The following METTL21A variants were observed in gnomAD, a reference collection of about 807,000 sequenced individuals.
The protein encoded by METTL21A is protein N-lysine methyltransferase METTL21A.
Under a neutral mutation model 20.9 loss-of-function variants are expected in METTL21A, and 22 were observed. The observed-to-expected ratio is 1.05, with a 90% confidence interval of 0.75 to 1.50. The LOEUF (loss-of-function observed/expected upper bound fraction) is 1.50. Ranked by LOEUF, METTL21A falls within the 40% of genes most tolerant of loss-of-function variation. The pLI is 0.00. For missense variants in METTL21A, 271 were observed against 266.8 expected (o/e 1.02, Z -0.11); for synonymous variants, 93 against 102.0 (o/e 0.91, Z 0.53).
downstream of METTL21A, among the ~76,000 whole-genome samples, chr2:207,606,318 T>TA (rs1305984715): frequency 3.3e-5 from 5 of 151,958 alleles, no homozygotes; most frequent in South Asian, 4.2e-4. Context: ...TCATCTCTAC[T>TA]AAAAAATACA....
At chr2:207,587,165 G>A (rs932462418) in intron 3 of METTL21A, among the ~76,000 whole-genome samples, 7 of 152,210 alleles carry the variant, frequency 4.6e-5, no homozygotes, top group African/African-American at 9.6e-5. Flanking sequence ...AGGCCAAGGC[G>A]GGTGGATCAC....
upstream of METTL21A, chr2:207,625,467 G>C (rs1048331638): frequency 1.3e-5 from 2 of 152,334 alleles, no homozygotes; most frequent in African/African-American, 2.4e-5. Flanking sequence ...CCGTGGCGCG[G>C]TGGAGGAGTG....
At chr2:207,605,982 GCA>G (rs2088030044), downstream of METTL21A, among the ~76,000 whole-genome samples, 1 of 152,116 alleles carries the variant, frequency 6.6e-6, no homozygotes, top group Non-Finnish European at 1.5e-5. Flanking sequence ...ATTAGAAGTG[GCA>G]CAGACTTTCA....
chr2:207,588,838 C>T (rs1357627208), intron 3 of METTL21A, among the ~76,000 whole-genome samples: 1 of 143,606 alleles, frequency 7.0e-6, no homozygotes, highest in Non-Finnish European at 1.5e-5. Context: ...GTATATTTAC[C>T]TTTTATCCTA....
chr2:207,602,475 T>G (rs557917540), intron 3 of METTL21A: 1 of 203,018 alleles, frequency 4.9e-6, no homozygotes, highest in Non-Finnish European at 1.0e-5. Context: ...AAATTCACAT[T>G]TGACCTAACA....
chr2:207,620,069 T>A (rs1214371598), intron 3 of METTL21A, among the ~76,000 whole-genome samples: 1 of 152,192 alleles, frequency 6.6e-6, no homozygotes, highest in Non-Finnish European at 1.5e-5. Flanking sequence ...AAGCCCTGGT[T>A]CTCAGGAGGA....
intron 3 of METTL21A, among the ~76,000 whole-genome samples, chr2:207,587,181 C>T (rs1248290431): frequency 2.6e-5 from 4 of 152,110 alleles, no homozygotes; most frequent in Non-Finnish European, 5.9e-5. Flanking sequence ...ATCACAAGGT[C>T]AGGAGATCGA....
intron 3 of METTL21A, among the ~76,000 whole-genome samples, chr2:207,595,325 A>C (rs748141504): frequency 1.3e-5 from 2 of 151,814 alleles, no homozygotes; most frequent in African/African-American, 4.8e-5. Flanking sequence ...GGCCATTTAT[A>C]TATCTCTGGA....
intron 3 of METTL21A, among the ~76,000 whole-genome samples, chr2:207,591,969 T>C (rs1485769837): frequency 6.6e-6 from 1 of 152,206 alleles, no homozygotes; most frequent in Non-Finnish European, 1.5e-5. Context: ...TATAAATCCA[T>C]GTTTTAATCT....
At chr2:207,620,635 G>T (rs2090375454) in intron 3 of METTL21A, 1 of 1,530,704 alleles carries the variant, frequency 6.5e-7, no homozygotes, top group Non-Finnish European at 8.7e-7. Flanking sequence ...ATGTTCTAAG[G>T]CTCACCTGAA....
chr2:207,624,199 G>A, intron 2 of METTL21A, 30 bp downstream of exon 2: 1 of 1,552,134 alleles, frequency 6.4e-7, no homozygotes, highest in South Asian at 1.2e-5. Context: ...AAGTGTGAAC[G>A]TTTTCAGAGG....
rs542619580 is a variant in METTL21A at position 207,592,788 on chromosome 2, G to A, written c.260-10628C>T. 3.3e-5 allele frequency among the ~76,000 whole-genome samples: 5 copies of A among 152,066 alleles called. No individual in the cohort carries two copies. In the East Asian group the frequency reaches 7.8e-4, roughly 24 times the overall value. Reference sequence around the variant, plus strand: ...CAAAAAATTAGCTGGCCATGGTGGCGCATGCCTGTAGTCCCAGCTGAGGCT... The same window carrying A: ...CAAAAAATTAGCTGGCCATGGTGGCACATGCCTGTAGTCCCAGCTGAGGCT... On this transcript the variant is annotated intron_variant, in intron 3 of 3. Coordinates refer to the METTL21A transcript ENST00000425132.
At chr2:207,614,487 G>T (rs1288374902) in intron 3 of METTL21A, among the ~76,000 whole-genome samples, 3 of 152,114 alleles carry the variant, frequency 2.0e-5, no homozygotes, top group Admixed American at 2.0e-4. Context: ...AAGAATCATG[G>T]AAGAAATAAA....
chr2:207,604,823 C>T (rs569103230), downstream of METTL21A, among the ~76,000 whole-genome samples: 3 of 152,218 alleles, frequency 2.0e-5, no homozygotes, highest in Non-Finnish European at 4.4e-5. Context: ...TCATGTGAGA[C>T]TCATACACTG....
chr2:207,580,993 C>G (rs2082891893), downstream of METTL21A: 2 of 218,660 alleles, frequency 9.1e-6, no homozygotes, highest in Non-Finnish European at 1.8e-5. Context: ...TGGGAATGAA[C>G]TCTTCCTACA....
At chr2:207,620,325 C>A (rs1240216257) in intron 3 of METTL21A, among the ~76,000 whole-genome samples, 1 of 152,042 alleles carries the variant, frequency 6.6e-6, no homozygotes, top group Non-Finnish European at 1.5e-5. Flanking sequence ...TGCCTGTAGT[C>A]CCAGCTACTA....
chr2:207,599,831 TTTTCTC>T (rs1217991844), intron 3 of METTL21A: 8 of 195,442 alleles, frequency 4.1e-5, no homozygotes, highest in African/African-American at 1.9e-4. Context: ...TAATAAATGT[TTTTCTC>T]TTTATATTGG....
At chr2:207,621,634 C>T (rs1325183180) in intron 3 of METTL21A, among the ~76,000 whole-genome samples, 172 bp downstream of exon 3, 2 of 152,082 alleles carry the variant, frequency 1.3e-5, no homozygotes, top group Non-Finnish European at 2.9e-5. Flanking sequence ...GAAATTAGCC[C>T]GTTAGCCTCA....
exon 3 of METTL21A, chr2:207,621,912 G>C (rs746747451): frequency 6.2e-7 from 1 of 1,613,292 alleles, no homozygotes; most frequent in East Asian, 2.2e-5. Context: ...TGGAAAGAAC[G>C]ATGGCCTGAA....
Sources: gnomAD v4.1 joint callset for allele counts (sites outside exome capture counted in the v4.1 genomes callset) on GRCh38, gnomAD v4.1.1 for gene constraint, MANE v1.5 for transcripts, NCBI Gene and HGNC (gene_info 2026-07-23, HGNC 2026-07-21) for gene names.